The following OTUD7A variants were observed in gnomAD, a reference collection of about 807,000 sequenced individuals.
OTUD7A encodes OTU domain-containing protein 7A.
Under a neutral mutation model 65.7 loss-of-function variants are expected in OTUD7A, and 12 were observed. The observed-to-expected ratio is 0.18, with a 90% CI of 0.12 to 0.30. OTUD7A has a LOEUF of 0.30. OTUD7A is among the 10% of genes least tolerant of loss of function. The pLI, the probability that OTUD7A is intolerant of heterozygous loss-of-function variation, is 1.00. For missense variants in OTUD7A, 1,148 were observed against 1,304.8 expected, an observed-to-expected ratio of 0.88 and a Z score of 1.85; for synonymous variants, 641 against 586.3, an observed-to-expected ratio of 1.09 and a Z score of -1.35.
intron 1 of OTUD7A, among the ~76,000 whole-genome samples, chr15:31,660,514 G>A (rs542044888): frequency 3.9e-5 from 6 of 152,328 alleles, no homozygotes; most frequent in East Asian, 1.9e-4. Context: ...ATTCATATGC[G>A]TAGAGCACAT....
chr15:31,781,072 C>T (rs1895526332), intron 1 of OTUD7A, among the ~76,000 whole-genome samples: 2 of 152,258 alleles, frequency 1.3e-5, no homozygotes, highest in Middle Eastern at 3.4e-3. Flanking sequence ...TGTGTCTCTT[C>T]CACAATGTGA....
At chr15:31,526,046 A>T (rs898903766) in intron 8 of OTUD7A, among the ~76,000 whole-genome samples, 10 of 152,142 alleles carry the variant, frequency 6.6e-5, no homozygotes, top group African/African-American at 2.4e-4. Flanking sequence ...GCACACCCCA[A>T]CTGTTGTGCA....
chr15:31,766,124 G>C, intron 1 of OTUD7A: 1 of 1,435,202 alleles, frequency 7.0e-7, no homozygotes, highest in Non-Finnish European at 9.8e-7. Flanking sequence ...GCAAGTAAGA[G>C]GGTACTTGAA....
chr15:31,581,171 T>C (rs911113902), intron 3 of OTUD7A, among the ~76,000 whole-genome samples: 1 of 152,230 alleles, frequency 6.6e-6, no homozygotes, highest in African/African-American at 2.4e-5. Flanking sequence ...TGATCTCCTT[T>C]GACTCCATGC....
chr15:31,606,486 T>G (rs1274147371), intron 3 of OTUD7A, among the ~76,000 whole-genome samples: 1 of 152,208 alleles, frequency 6.6e-6, no homozygotes, highest in African/African-American at 2.4e-5. Context: ...GTTAACTGGA[T>G]TTTTTAGTAT....
At chr15:31,721,229 A>G (rs1566988243) in intron 1 of OTUD7A, among the ~76,000 whole-genome samples, 1 of 152,284 alleles carries the variant, frequency 6.6e-6, no homozygotes, top group Non-Finnish European at 1.5e-5. Context: ...ATATGTCTGG[A>G]TACGCAGTGT....
chr15:31,684,083 T>C (rs1304993860), intron 1 of OTUD7A, among the ~76,000 whole-genome samples: 1 of 152,198 alleles, frequency 6.6e-6, no homozygotes, highest in African/African-American at 2.4e-5. Context: ...AGAAAACGAT[T>C]TTGCTACTGG....
At chr15:31,561,679 T>C (rs1005501666) in intron 4 of OTUD7A, among the ~76,000 whole-genome samples, 2 of 152,170 alleles carry the variant, frequency 1.3e-5, no homozygotes, top group African/African-American at 4.8e-5. Flanking sequence ...ATTAATAGAT[T>C]GCGTTGAAGA....
At chr15:31,722,936 C>T (rs1269456011) in intron 1 of OTUD7A, among the ~76,000 whole-genome samples, 1 of 152,220 alleles carries the variant, frequency 6.6e-6, no homozygotes, top group Non-Finnish European at 1.5e-5. Context: ...ATCCTCTTAG[C>T]CCCCTGACAG....
At chr15:31,789,706 CTTTT>C (rs11354353) in intron 1 of OTUD7A, among the ~76,000 whole-genome samples, 10 of 105,874 alleles carry the variant, frequency 9.4e-5, no homozygotes, top group East Asian at 2.8e-4. Flanking sequence ...CAATGCTGCC[CTTTT>C]TTTTTTTTTT....
chr15:31,793,089 C>A (rs1035864620), intron 1 of OTUD7A, among the ~76,000 whole-genome samples: 9 of 152,212 alleles, frequency 5.9e-5, no homozygotes, highest in African/African-American at 2.2e-4. Flanking sequence ...ACACACAGCA[C>A]TCAGGAGACT....
rs1313817727 is a variant in OTUD7A at position 31,483,740 on chromosome 15, C to T, written c.2356G>A (p.Ala786Thr). The T allele has an allele frequency of 1.8e-6, 2 of 1,103,782 alleles. No individual in the cohort carries two copies. The highest frequency in any genetic ancestry group is 2.2e-6 in the Non-Finnish European group (2 of 908,744). 68.4% of individuals were successfully genotyped at this position (1,103,782 alleles called of 1,614,324 possible). Reference protein sequence around the residue: ...QSVIHVQASGARDEACAPAVG... With the variant: ...QSVIHVQASGTRDEACAPAVG... ...GCCGGCGCGCACGCCTCGTCCCGCG[C>T]GCCCGACGCCTGCACGTGGATGACG... The change falls in exon 13 of 13, where the codon GCG (alanine) becomes ACG (threonine). Residue 786 changes from alanine to threonine, a missense_variant. Physicochemically the swap from Ala to Thr is moderately conservative, Grantham distance 58 (BLOSUM62 0). This residue lies in a region of OTUD7A where 842 missense variants were observed against 769.5 expected (regional missense o/e 1.09). Coordinates refer to ENST00000307050, the MANE Select transcript of OTUD7A (RefSeq NM_001382637.1).
chr15:31,510,933 G>A (rs1221510673), intron 8 of OTUD7A, among the ~76,000 whole-genome samples: 1 of 27,006 alleles, frequency 3.7e-5, no homozygotes, highest in African/African-American at 3.9e-4. Context: ...TAACATATAT[G>A]TATATCTATA....
intron 1 of OTUD7A, among the ~76,000 whole-genome samples, chr15:31,725,662 G>A (rs1157875784): frequency 1.3e-5 from 2 of 152,136 alleles, no homozygotes; most frequent in Non-Finnish European, 2.9e-5. Context: ...GCAGCTCCTG[G>A]CCTCCCCAAA....
rs1056991647 is a variant in OTUD7A at position 31,856,531 on chromosome 15, A to C, written c.-100+13976T>G. Among the ~76,000 whole-genome samples the C allele has an allele frequency of 9.3e-4, 141 of 152,324 alleles. 1 individual carries two copies. The highest frequency in any genetic ancestry group is 3.3e-3 in the African/African-American group (136 of 41,570). On this transcript the variant is annotated intron_variant, in intron 1 of 12. Coordinates refer to ENST00000307050, the MANE Select transcript of OTUD7A (RefSeq NM_001382637.1). The stretch of plus-strand genomic sequence containing the variant: ...CAAAATGCTGAGAGTGTGGGGTTTG[A>C]GAAGCTCTGTATTAGTTTTATCTTT...
intron 1 of OTUD7A, among the ~76,000 whole-genome samples, chr15:31,750,287 A>T (rs1456707911): frequency 6.6e-6 from 1 of 151,026 alleles, no homozygotes; most frequent in Non-Finnish European, 1.5e-5. Flanking sequence ...AGGCACCTAT[A>T]ATCCCAGCTA....
At chr15:31,767,981 C>T (rs1895133364) in intron 1 of OTUD7A, 1 of 1,576,000 alleles carries the variant, frequency 6.3e-7, no homozygotes, top group Admixed American at 1.7e-5. Flanking sequence ...AAGAAATTTC[C>T]TCAACAGTTG....
At chr15:31,552,571 C>A (rs1888359677) in intron 5 of OTUD7A, among the ~76,000 whole-genome samples, 1 of 152,250 alleles carries the variant, frequency 6.6e-6, no homozygotes, top group African/African-American at 2.4e-5. Flanking sequence ...AACAGCCCCA[C>A]AAGGTGGGCT....
At chr15:31,762,764 A>G (rs1346240168) in intron 1 of OTUD7A, among the ~76,000 whole-genome samples, 1 of 152,256 alleles carries the variant, frequency 6.6e-6, no homozygotes, top group African/African-American at 2.4e-5. Context: ...TAAAACAAAC[A>G]AAATCAATAT....
Sources: allele counts gnomAD v4.1 joint callset (sites outside exome capture counted in the v4.1 genomes callset), GRCh38; gene constraint gnomAD v4.1.1; regional missense constraint gnomAD v4.1.1; transcripts MANE v1.5; gene names NCBI Gene and HGNC (gene_info 2026-07-23, HGNC 2026-07-21).